Variants in EDARADD observed in about 807,000 individuals in gnomAD.
The protein encoded by EDARADD is ectodysplasin-A receptor-associated adapter protein.
EDARADD carries 20 observed loss-of-function variants against 25.6 expected under a neutral mutation model. That is an observed-to-expected ratio of 0.78 (90% CI 0.55 to 1.14). EDARADD has a LOEUF of 1.14. EDARADD is among the 50% of genes most tolerant of loss of function. EDARADD has a pLI of 0.00. For synonymous variants in EDARADD, 86 were observed against 94.4 expected, an observed-to-expected ratio of 0.91 and a Z score of 0.52; for missense variants, 225 against 270.1, an observed-to-expected ratio of 0.83 and a Z score of 1.17.
chr1:236,413,808 G>C (rs1418061533), intron 2 of EDARADD, among the ~76,000 whole-genome samples: 1 of 152,162 alleles, frequency 6.6e-6, no homozygotes, highest in Non-Finnish European at 1.5e-5. Context: ...GGGATCTTTT[G>C]AATCATCCTG....
intron 4 of EDARADD, among the ~76,000 whole-genome samples, chr1:236,442,061 A>G (rs1482575278): frequency 6.6e-6 from 1 of 152,162 alleles, no homozygotes; most frequent in Non-Finnish European, 1.5e-5. Context: ...ATACTAAACA[A>G]CAGATTTCCA....
At chr1:236,400,665 C>T (rs1667597624) in intron 1 of EDARADD, among the ~76,000 whole-genome samples, 1 of 151,990 alleles carries the variant, frequency 6.6e-6, no homozygotes. Flanking sequence ...AGCAATCCTC[C>T]CACCTCAGCC....
At chr1:236,424,154 C>CTTTTTTTT (rs34454343) in intron 3 of EDARADD, among the ~76,000 whole-genome samples, 16 of 74,400 alleles carry the variant, frequency 2.2e-4, no homozygotes, top group African/African-American at 6.0e-4. Flanking sequence ...TGTGAAGCAT[C>CTTTTTTTT]TTTTTTTTTT....
chr1:236,352,282 C>T (rs534544351), intron 3 of EDARADD, among the ~76,000 whole-genome samples: 14 of 152,302 alleles, frequency 9.2e-5, no homozygotes, highest in Admixed American at 5.9e-4. Context: ...CTCCTGATTT[C>T]TTGGAAGATC....
chr1:236,424,481 C>T (rs1178071599), intron 3 of EDARADD, among the ~76,000 whole-genome samples: 1 of 151,970 alleles, frequency 6.6e-6, no homozygotes, highest in African/African-American at 2.4e-5. Context: ...CCTTTGTGTC[C>T]AGGTTTCTTT....
intron 4 of EDARADD, among the ~76,000 whole-genome samples, chr1:236,453,315 C>T (rs1658764457): frequency 7.2e-6 from 1 of 139,314 alleles, no homozygotes; most frequent in South Asian, 2.2e-4. Flanking sequence ...GTCTCGCTGT[C>T]ACCCAGGCTA....
At chr1:236,462,009 A>G (rs534287614) in intron 4 of EDARADD, among the ~76,000 whole-genome samples, 47 of 152,338 alleles carry the variant, frequency 3.1e-4, no homozygotes, top group African/African-American at 1.1e-3. Flanking sequence ...ACCAGGCACC[A>G]TAGTCTACAA....
In EDARADD at chr1:236,395,694, G is replaced by A; in HGVS notation, c.61+1189G>A. On this transcript the variant is annotated intron_variant, in intron 1 of 5. Transcript: ENST00000334232. This position sits in a 1 kb window ranked among gnomAD's most constrained non-coding sequence, Gnocchi z 6.9. The stretch of plus-strand genomic sequence containing the variant: ...ACACAGCGCCGCGCCCGCTCCTGGA[G>A]CGAGCACCGCGGGGCGGGAGCTCGG... 1 of 1,543,958 alleles carries A rather than the reference G, an allele frequency of 6.5e-7. No individual in the cohort carries two copies. Among genetic ancestry groups the A allele is most frequent in the South Asian group, 1.2e-5 (1 of 83,914 alleles).
intron 5 of EDARADD, among the ~76,000 whole-genome samples, chr1:236,478,476 A>G (rs1284648642): frequency 1.3e-5 from 2 of 151,110 alleles, no homozygotes; most frequent in African/African-American, 2.4e-5. Flanking sequence ...GTGTATATAT[A>G]TATGTGTATA....
intron 4 of EDARADD, among the ~76,000 whole-genome samples, chr1:236,442,071 A>G (rs1438620496): frequency 1.3e-5 from 2 of 152,160 alleles, no homozygotes; most frequent in Admixed American, 1.3e-4. Flanking sequence ...ACAGATTTCC[A>G]GTGTAGACGA....
intron 5 of EDARADD, among the ~76,000 whole-genome samples, chr1:236,473,535 T>G (rs1659417619): frequency 6.6e-6 from 1 of 152,034 alleles, no homozygotes; most frequent in Non-Finnish European, 1.5e-5. Context: ...CCCAACAATT[T>G]GGGAAGCTGA....
chr1:236,455,487 A>G (rs746239768), intron 4 of EDARADD, among the ~76,000 whole-genome samples: 5 of 152,224 alleles, frequency 3.3e-5, no homozygotes, highest in Non-Finnish European at 7.3e-5. Context: ...TCCTTCCTCT[A>G]AGGGAAAATC....
intron 3 of EDARADD, among the ~76,000 whole-genome samples, chr1:236,388,976 T>G (rs903425924): frequency 2.0e-5 from 3 of 147,292 alleles, no homozygotes; most frequent in African/African-American, 7.5e-5. Flanking sequence ...GTCCTTTTCT[T>G]GCAACAGCAA....
chr1:236,379,503 G>A (rs957634624), intron 3 of EDARADD, among the ~76,000 whole-genome samples: 1 of 151,908 alleles, frequency 6.6e-6, no homozygotes, highest in Non-Finnish European at 1.5e-5. Context: ...TCAGGGCCAG[G>A]TGCAATGGCT....
intron 4 of EDARADD, among the ~76,000 whole-genome samples, chr1:236,427,977 A>AT (rs201073864): frequency 0.3 from 17,481 of 58,804 alleles, 3,071 homozygotes; most frequent in African/African-American, 0.48. Context: ...ATTTTATTTT[A>AT]TTTTTTTAGT....
intron 3 of EDARADD, among the ~76,000 whole-genome samples, chr1:236,414,510 A>G (rs1657584511): frequency 1.3e-5 from 2 of 152,148 alleles, no homozygotes; most frequent in South Asian, 4.1e-4. Flanking sequence ...GAATTTTCTT[A>G]TTAAAAACTG....
chr1:236,418,276 GCTCTGT>G (rs1470595255), intron 3 of EDARADD, among the ~76,000 whole-genome samples: 1 of 147,356 alleles, frequency 6.8e-6, no homozygotes, highest in Non-Finnish European at 1.5e-5. Flanking sequence ...TCTGAGTCTT[GCTCTGT>G]CACCCAGGCT....
chr1:236,433,043 G>A (rs1225229807), intron 4 of EDARADD, among the ~76,000 whole-genome samples: 1 of 152,054 alleles, frequency 6.6e-6, no homozygotes, highest in East Asian at 1.9e-4. Flanking sequence ...AACAGAAACT[G>A]GGGATAGGAT....
intron 3 of EDARADD, among the ~76,000 whole-genome samples, chr1:236,418,231 G>A (rs1228367162): frequency 6.6e-6 from 1 of 151,028 alleles, no homozygotes; most frequent in African/African-American, 2.4e-5. Context: ...GGGATTACAG[G>A]CGTGAGCCAC....
Sources: allele counts gnomAD v4.1 joint callset (sites outside exome capture counted in the v4.1 genomes callset), GRCh38; gene constraint gnomAD v4.1.1; non-coding constraint Gnocchi (gnomAD v3.1); transcripts MANE v1.5; gene names NCBI Gene and HGNC (gene_info 2026-07-23, HGNC 2026-07-21).